RPTOR: variants seen among roughly 807,000 people sequenced by gnomAD.
The protein encoded by RPTOR is regulatory-associated protein of mTOR.
A neutral mutation model predicts 169.9 loss-of-function variants in RPTOR; 21 were observed. The ratio of observed to expected loss-of-function variants is 0.12; its 90% CI spans 0.09 to 0.18. RPTOR has a LOEUF of 0.18. RPTOR is among the 10% of genes least tolerant of loss of function. The pLI, the probability that RPTOR is intolerant of heterozygous loss-of-function variation, is 1.00. For missense variants in RPTOR, 1,133 were observed against 1,855.9 expected (o/e 0.61, Z 7.16); for synonymous variants, 732 against 753.2 (o/e 0.97, Z 0.46).
rs191038988 is a variant in RPTOR, at chr17:80,656,036, T to G, written c.348+12226T>G. Among the ~76,000 whole-genome samples, 23 of 152,280 alleles carry G rather than the reference T, an allele frequency of 1.5e-4. No homozygotes were observed. The East Asian group carries it at 4.4e-3, about 29-fold the overall frequency. On this transcript the variant is annotated intron_variant, in intron 3 of 33. Coordinates refer to ENST00000306801, the MANE Select transcript of RPTOR (RefSeq NM_020761.3). ...CCTCTTGGTGTCTTGCTGTGTTGAC[T>G]GATTCTAGTTTTGAAAGCAGCATAT... is the stretch of plus-strand genomic sequence containing the variant.
chr17:80,702,489 T>A (rs999093672), intron 3 of RPTOR, among the ~76,000 whole-genome samples: 1 of 152,204 alleles, frequency 6.6e-6, no homozygotes, highest in African/African-American at 2.4e-5. Context: ...ACACAGCTAT[T>A]ATCCCTGGCA....
chr17:80,867,402 A>T (rs2068005374), intron 13 of RPTOR, among the ~76,000 whole-genome samples: 1 of 152,108 alleles, frequency 6.6e-6, no homozygotes, highest in African/African-American at 2.4e-5. Context: ...ATAGAAGGGA[A>T]CTTCGTCTAC....
At chr17:80,814,360 A>G (rs1306200212) in intron 7 of RPTOR, among the ~76,000 whole-genome samples, 2 of 152,184 alleles carry the variant, frequency 1.3e-5, no homozygotes, top group Non-Finnish European at 2.9e-5. Context: ...CACTTTGTGT[A>G]TACCCTTCCA....
chr17:80,947,544 T>A lies in RPTOR; in HGVS notation c.3265+193T>A, dbSNP rs1421342283. On this transcript the variant is annotated intron_variant, in intron 27 of 33. Transcript: ENST00000306801. This position sits in a 1 kb window ranked among gnomAD's most constrained non-coding sequence, Gnocchi z 4.4. ...AGCAGCAGAGACAGGAAAGCAAAGA[T>A]GACCCCATCCTTGAGGGTTCCAGGG... Among the ~76,000 whole-genome samples, 1 of 152,214 alleles carries A rather than the reference T, an allele frequency of 6.6e-6. No homozygotes were observed. The highest frequency in any genetic ancestry group is 1.9e-4 in the East Asian group (1 of 5,200).
At chr17:80,853,151 C>T (rs556287334) in intron 11 of RPTOR, among the ~76,000 whole-genome samples, 9 of 152,268 alleles carry the variant, frequency 5.9e-5, no homozygotes, top group East Asian at 3.9e-4. Flanking sequence ...TGCTTAACGT[C>T]GGCTGGTGGC....
rs2068142843 is a variant in RPTOR at position 80,878,112 on chromosome 17, T to A, written c.1510-2303T>A. On this transcript the variant is annotated intron_variant, in intron 13 of 33. Coordinates refer to ENST00000306801, the MANE Select transcript of RPTOR (RefSeq NM_020761.3). The surrounding 1 kb of genome is among the most constrained non-coding windows in gnomAD (Gnocchi z 4.1). ...CATCCAGTTCTTAAAATTCCGGCCC[T>A]CTGTCCTTGCATGGCCTTCGTCCTC... Among the ~76,000 whole-genome samples the A allele has an allele frequency of 6.6e-6, 1 of 152,198 alleles. No individual in the cohort carries two copies. Among genetic ancestry groups the A allele is most frequent in the South Asian group, 2.1e-4 (1 of 4,832 alleles).
rs1356329948 is a variant in RPTOR, at chr17:80,959,313, G to A, written c.3478-765G>A. 6.6e-6 allele frequency among the ~76,000 whole-genome samples: 1 copy of A among 152,176 alleles called. No individual in the cohort carries two copies. The highest frequency in any genetic ancestry group is 1.5e-5 in the Non-Finnish European group (1 of 68,014). The stretch of plus-strand genomic sequence containing the variant: ...TGGACACCCTGATCCTCAGGGTCTG[G>A]TCACCAGTGGGGGCTTAGAGGCCCA... On this transcript the variant is annotated intron_variant, in intron 29 of 33. Transcript: ENST00000306801. The surrounding 1 kb of genome is among the most constrained non-coding windows in gnomAD (Gnocchi z 6.7).
intron 17 of RPTOR, among the ~76,000 whole-genome samples, chr17:80,888,803 T>C (rs2068280753): frequency 6.6e-6 from 1 of 152,024 alleles, no homozygotes; most frequent in Admixed American, 6.5e-5. Context: ...GCCTCTTCTC[T>C]CAAGAAAGTT....
chr17:80,659,748 G>A lies in RPTOR; in HGVS notation c.348+15938G>A, dbSNP rs959885437. On this transcript the variant is annotated intron_variant, in intron 3 of 33. Transcript: ENST00000306801. The surrounding 1 kb of genome is among the most constrained non-coding windows in gnomAD (Gnocchi z 4.3). ...TCTCAACCTCTTGACCTCGTGATCC[G>A]CCCCTTGGTCTCCCAAAGTGCTGAG... 2.0e-5 allele frequency among the ~76,000 whole-genome samples: 3 copies of A among 152,110 alleles called. No individual in the cohort carries two copies. In the East Asian group the frequency reaches 5.8e-4, roughly 30 times the overall value.
intron 4 of RPTOR, among the ~76,000 whole-genome samples, chr17:80,724,730 G>A (rs2066316161): frequency 6.6e-6 from 1 of 152,238 alleles, no homozygotes; most frequent in African/African-American, 2.4e-5. Context: ...GCGACTGTCT[G>A]CACCTGCCCA....
At chr17:80,660,342 G>C (rs2065713033) in intron 3 of RPTOR, among the ~76,000 whole-genome samples, 1 of 151,870 alleles carries the variant, frequency 6.6e-6, no homozygotes, top group African/African-American at 2.4e-5. Flanking sequence ...TTCTTACTAA[G>C]TATCAGATAA....
intron 5 of RPTOR, among the ~76,000 whole-genome samples, chr17:80,737,245 G>A (rs1598267389): frequency 1.3e-5 from 2 of 152,210 alleles, no homozygotes; most frequent in Admixed American, 1.3e-4. Context: ...GACAGGAGGC[G>A]TTGGCTAGAG....
rs1369398461 is a variant in RPTOR, at chr17:80,861,252, A to C, written c.1509+3352A>C. ...AGCCTTCGGCCGTCTGCCTTCAGCC[A>C]CAGTTCCAGAGCTCAGAACCAGGAC... On this transcript the variant is annotated intron_variant, in intron 13 of 33. Transcript: ENST00000306801. This position sits in a 1 kb window ranked among gnomAD's most constrained non-coding sequence, Gnocchi z 4.5. Among the ~76,000 whole-genome samples, 1 of 144,524 alleles carries C rather than the reference A, an allele frequency of 6.9e-6. No homozygotes were observed. The allele number at this position is 144,524 out of a possible 152,430, so 94.8% of individuals were successfully genotyped here.
At chr17:80,780,764 C>G (rs573124462) in intron 6 of RPTOR, among the ~76,000 whole-genome samples, 27 of 152,290 alleles carry the variant, frequency 1.8e-4, no homozygotes, top group Admixed American at 1.2e-3. Context: ...TCCCTTCCCC[C>G]CTCACCCTCC....
chr17:80,901,614 C>T (rs144979001), intron 20 of RPTOR, among the ~76,000 whole-genome samples: 342 of 152,334 alleles, frequency 2.2e-3, no homozygotes, highest in African/African-American at 7.7e-3. Flanking sequence ...CCATTGTGCA[C>T]AGCACTTCCC....
intron 20 of RPTOR, among the ~76,000 whole-genome samples, chr17:80,905,729 C>T (rs1470610724): frequency 6.6e-6 from 1 of 152,196 alleles, no homozygotes; most frequent in Non-Finnish European, 1.5e-5. Context: ...CGGGTGTCCG[C>T]GTCTGTGGCC....
chr17:80,906,908 C>G (rs914666123), intron 20 of RPTOR, among the ~76,000 whole-genome samples: 3 of 152,204 alleles, frequency 2.0e-5, no homozygotes, highest in Admixed American at 2.0e-4. Context: ...GACCTCTGCA[C>G]TCACGGTGGG....
At chr17:80,580,408 T>C (rs976587395) in intron 1 of RPTOR, among the ~76,000 whole-genome samples, 1 of 152,228 alleles carries the variant, frequency 6.6e-6, no homozygotes. Flanking sequence ...GGGAGGCTTT[T>C]TCCTGGCTCG....
At chr17:80,956,785 G>C (rs2069256030) in intron 28 of RPTOR, among the ~76,000 whole-genome samples, 1 of 152,116 alleles carries the variant, frequency 6.6e-6, no homozygotes, top group South Asian at 2.1e-4. Context: ...CGGATGTTGG[G>C]CATCTTAGAT....
Sources: allele counts gnomAD v4.1 joint callset (sites outside exome capture counted in the v4.1 genomes callset), GRCh38; gene constraint gnomAD v4.1.1; non-coding constraint Gnocchi (gnomAD v3.1); transcripts MANE v1.5; gene names NCBI Gene and HGNC (gene_info 2026-07-23, HGNC 2026-07-21).